Variants in SRM observed in about 807,000 individuals in gnomAD.
The protein encoded by SRM is putrescine aminopropyltransferase.
A neutral mutation model predicts 39.3 loss-of-function variants in SRM; 14 were observed. That is an observed-to-expected ratio of 0.36 (90% CI 0.24 to 0.56). SRM has a LOEUF of 0.56. Ranked by LOEUF, SRM falls within the 20% of genes least tolerant of loss-of-function variation. SRM has a pLI of 0.86. For missense variants in SRM, 244 were observed against 409.2 expected, an observed-to-expected ratio of 0.60 and a Z score of 3.48; for synonymous variants, 195 against 173.1, an observed-to-expected ratio of 1.13 and a Z score of -0.99.
chr1:11,057,722 T>C (rs912163342), intron 3 of SRM, among the ~76,000 whole-genome samples: 1 of 151,176 alleles, frequency 6.6e-6, no homozygotes, highest in African/African-American at 2.4e-5. Flanking sequence ...CCCTGCCTTC[T>C]CCTGTCCCCC....
chr1:11,056,154 C>A, intron 4 of SRM, 60 bp from the exon 5 acceptor site: 2 of 1,463,190 alleles, frequency 1.4e-6, no homozygotes, highest in South Asian at 2.7e-5. Flanking sequence ...GGGCCACTGT[C>A]ACCCACACAG....
chr1:11,059,653 C>A, intron 1 of SRM, 124 bp downstream of exon 1: 1 of 1,198,784 alleles, frequency 8.3e-7, no homozygotes, highest in Non-Finnish European at 1.1e-6. Flanking sequence ...TGAGGGGTGG[C>A]GAGGGGGCCA....
At position 11,054,792 on chromosome 1, in the gene SRM, G is replaced by A. The variant is rs1205452947; in HGVS notation, c.*73C>T. The A allele has an allele frequency of 7.2e-6, 11 of 1,528,868 alleles. No individual in the cohort carries two copies. The highest frequency in any genetic ancestry group is 1.4e-5 in the African/African-American group (1 of 72,630). The allele number at this position is 1,528,868 out of a possible 1,614,324, so 94.7% of individuals were successfully genotyped here. ...GAGCCAGCAGGAGGTCCGGCCCGGG[G>A]CTGGAGGGGCCGAGGCACCCCGCAG... On this transcript the variant is annotated 3_prime_UTR_variant, in exon 8 of 8. Transcript: ENST00000376957. The surrounding 1 kb of genome is among the most constrained non-coding windows in gnomAD (Gnocchi z 4.8).
At position 11,059,661 on chromosome 1, in the gene SRM, C is replaced by T. The variant is rs545656768; in HGVS notation, c.167+116G>A. 84 of 1,248,346 alleles carry T rather than the reference C, an allele frequency of 6.7e-5. 1 individual carries two copies. The East Asian group carries it at 2.0e-3, about 30-fold the overall frequency. 77.3% of individuals were successfully genotyped at this position (1,248,346 alleles called of 1,614,324 possible). A position where few individuals can be genotyped will look rare whatever the true frequency, so the allele number is the denominator to read the frequency against. The stretch of plus-strand genomic sequence containing the variant: ...GGCGGTGTGAGGGGTGGCGAGGGGG[C>T]CAGGGCAGGACGAGGTCCAGCCCGC... On this transcript the variant is annotated intron_variant, in intron 1 of 7. Coordinates refer to ENST00000376957, the MANE Select transcript of SRM (RefSeq NM_003132.3).
chr1:11,059,382 T>C, intron 1 of SRM, 37 bp from the exon 2 acceptor site: 1 of 1,607,530 alleles, frequency 6.2e-7, no homozygotes, highest in Non-Finnish European at 8.5e-7. Flanking sequence ...CTGGGTTCTC[T>C]GGGGTGGGGA....
rs1438586140 is a variant in SRM, at chr1:11,055,925, G to A, written c.621C>T (p.Gly207=). Residue 207 remains glycine, a splice_region_variant and synonymous_variant, in exon 6 of 8, where the codon GGC becomes GGT. Transcript: ENST00000376957. ...GGTCCAGGTGCAGCCACTGGCACTC[G>A]CCTGGGGGCCCCTAAGCATCAGCAT... ...LKEDGVLCCQ[G]ECQWLHLDLI... is the part of the protein sequence containing the mutation. The A allele has an allele frequency of 8.8e-6, 14 of 1,598,680 alleles. No individual in the cohort carries two copies. The highest frequency in any genetic ancestry group is 4.5e-5 in the East Asian group (2 of 44,632).
rs774308445 is a variant in SRM at position 11,054,827 on chromosome 1, T to C, written c.*38A>G. 7.1e-5 allele frequency: 112 copies of C among 1,578,134 alleles called. No homozygotes were observed. The highest frequency in any genetic ancestry group is 9.2e-5 in the Non-Finnish European group (107 of 1,160,358). ...CCGAGGCACCCCGCAGGCTCCAAGG[T>C]CCGAGGTCCTGGGTGGCATCAGTGG... On this transcript the variant is annotated 3_prime_UTR_variant, in exon 8 of 8. Transcript: ENST00000376957. This position sits in a 1 kb window ranked among gnomAD's most constrained non-coding sequence, Gnocchi z 4.8.
chr1:11,055,080 G>A lies in SRM; in HGVS notation c.770C>T (p.Thr257Met), dbSNP rs1200613212. Reference sequence around the variant, plus strand: ...CGGCTGCACCGGCTCCTGGAAGTTCGTGCTCTGGGGACCGGGCCAGGGGCA... The same window carrying A: ...CGGCTGCACCGGCTCCTGGAAGTTCATGCTCTGGGGACCGGGCCAGGGGCA... ...GFMLCSKNPS[T>M]NFQEPVQPLT... Residue 257 changes from threonine (T) to methionine (M), a missense_variant, in exon 7 of 8, where the codon ACG becomes ATG. Physicochemically the swap from Thr to Met is moderately conservative, Grantham distance 81 (BLOSUM62 -1). Transcript: ENST00000376957. 6.8e-6 allele frequency: 11 copies of A among 1,609,348 alleles called. No homozygotes were observed. The highest frequency in any genetic ancestry group is 4.5e-5 in the East Asian group (2 of 44,770).
rs138261816 is a variant in SRM at position 11,054,945 on chromosome 1, C to T, written c.888+17G>A. The T allele has an allele frequency of 6.1e-4, 980 of 1,611,864 alleles. 5 individuals are homozygous for T. The Middle Eastern group carries it at 6.3e-3, about 10-fold the overall frequency. On this transcript the variant is annotated intron_variant, in intron 7 of 7. Transcript: ENST00000376957. The surrounding 1 kb of genome is among the most constrained non-coding windows in gnomAD (Gnocchi z 4.8). ...TGGGTCCCTGGGTCCCACCACCCAG[C>T]CCCGCAGGCCACCCACCTTGCGGGC...
At chr1:11,059,447 T>C (rs1256765350) in intron 1 of SRM, 102 bp from the exon 2 acceptor site, 14 of 1,552,248 alleles carry the variant, frequency 9.0e-6, no homozygotes, top group Non-Finnish European at 1.2e-5. Context: ...CGCCTAGGGG[T>C]CCCAGGGATG....
At position 11,054,763 on chromosome 1, in the gene SRM, G is replaced by A. The variant is rs1280352508; in HGVS notation, c.*102C>T. On this transcript the variant is annotated 3_prime_UTR_variant, in exon 8 of 8. Transcript: ENST00000376957. This position sits in a 1 kb window ranked among gnomAD's most constrained non-coding sequence, Gnocchi z 4.8. The stretch of plus-strand genomic sequence containing the variant: ...GGGGCTTGTAACACTTGGTTGGTGG[G>A]CGAGAGCCAGCAGGAGGTCCGGCCC... 2.9e-5 allele frequency: 43 copies of A among 1,468,226 alleles called. No homozygotes were observed. The highest frequency in any genetic ancestry group is 3.8e-5 in the Non-Finnish European group (42 of 1,102,326). 90.9% of individuals were successfully genotyped at this position (1,468,226 alleles called of 1,614,324 possible). A position where few individuals can be genotyped will look rare whatever the true frequency, so the allele number is the denominator to read the frequency against.
rs1638954451 is a variant in SRM, at chr1:11,059,986, G to A, written c.-43C>T. 1.1e-6 allele frequency: 1 copy of A among 952,010 alleles called. No individual in the cohort carries two copies. The allele number at this position is 952,010 out of a possible 1,614,324, so 59.0% of individuals were successfully genotyped here. ...CGCGGGGCGCGGGCCCGGGACTGCA[G>A]GCCGCGCGGCGCCGCAGCACAACGG... On this transcript the variant is annotated 5_prime_UTR_variant, in exon 1 of 8. Coordinates refer to ENST00000376957, the MANE Select transcript of SRM (RefSeq NM_003132.3).
Position 11,056,773 on chromosome 1 carries a change from G to C in SRM, c.382-16C>G, listed in dbSNP as rs1320945418. On this transcript the variant is annotated splice_polypyrimidine_tract_variant and intron_variant, in intron 3 of 7. Coordinates refer to ENST00000376957, the MANE Select transcript of SRM (RefSeq NM_003132.3). ...GGATGACATCCTGGAGGGGATGGGAGGGACCAGTCTGGGCCAAGGGGCTGG... is the reference window on the plus strand; with the variant it reads ...GGATGACATCCTGGAGGGGATGGGACGGACCAGTCTGGGCCAAGGGGCTGG... The C allele has an allele frequency of 6.2e-7, 1 of 1,613,942 alleles. No homozygotes were observed. The highest frequency in any genetic ancestry group is 8.5e-7 in the Non-Finnish European group (1 of 1,179,924).
intron 6 of SRM, chr1:11,055,348 A>G (rs1299304462): frequency 5.0e-6 from 2 of 397,000 alleles, no homozygotes; most frequent in Non-Finnish European, 8.7e-6. Context: ...ACCTCAAGTG[A>G]TCCGCCCACC....
intron 3 of SRM, among the ~76,000 whole-genome samples, chr1:11,057,338 C>T (rs1185450964): frequency 7.0e-6 from 1 of 142,170 alleles, no homozygotes; most frequent in Non-Finnish European, 1.5e-5. Flanking sequence ...ATTTATTTTT[C>T]GAGACAGTCT....
chr1:11,057,857 C>T (rs998760724), intron 3 of SRM, among the ~76,000 whole-genome samples: 1 of 152,074 alleles, frequency 6.6e-6, no homozygotes, highest in African/African-American at 2.4e-5. Flanking sequence ...CGGTTCATTG[C>T]AACTTCCGCC....
chr1:11,055,687 T>A (rs1205949057), intron 6 of SRM, 94 bp downstream of exon 6: 1 of 1,347,910 alleles, frequency 7.4e-7, no homozygotes, highest in Non-Finnish European at 1.0e-6. Context: ...AGTGCTGGGA[T>A]TACAGGTGTG....
At position 11,059,908 on chromosome 1, in the gene SRM, G is replaced by C; in HGVS notation, c.36C>G (p.Gly12=). Residue 12 remains glycine (G), a synonymous_variant, in exon 1 of 8, where the codon GGC becomes GGG. Coordinates refer to ENST00000376957, the MANE Select transcript of SRM (RefSeq NM_003132.3). ...ACCAGCCCTCGCGGATGGCGGCGGG[G>C]CCGGAGGCGGCGGGGCCGTCGGGGC... The part of the protein sequence containing the change: ...EPGPDGPAAS[G]PAAIREGWFR... 7.2e-7 allele frequency: 1 copy of C among 1,390,068 alleles called. No individual in the cohort carries two copies. The highest frequency in any genetic ancestry group is 9.3e-7 in the Non-Finnish European group (1 of 1,070,282). 86.1% of individuals were successfully genotyped at this position (1,390,068 alleles called of 1,614,324 possible). A position where few individuals can be genotyped will look rare whatever the true frequency, so the allele number is the denominator to read the frequency against.
At chr1:11,056,845 C>T in intron 3 of SRM, 88 bp from the exon 4 acceptor site, 2 of 1,441,048 alleles carry the variant, frequency 1.4e-6, no homozygotes, top group Non-Finnish European at 1.9e-6. Context: ...AAGTGCCTCA[C>T]AGGCAAGCCG....
Sources: gnomAD v4.1 joint callset for allele counts (sites outside exome capture counted in the v4.1 genomes callset) on GRCh38, gnomAD v4.1.1 for gene constraint, Gnocchi (gnomAD v3.1) non-coding constraint, MANE v1.5 for transcripts, NCBI Gene and HGNC (gene_info 2026-07-23, HGNC 2026-07-21) for gene names.